The following CD274 variants were observed in gnomAD, a reference collection of about 807,000 sequenced individuals.
CD274 encodes programmed cell death 1 ligand 1.
Under a neutral mutation model 30.1 loss-of-function variants are expected in CD274, and 8 were observed. The ratio of observed to expected loss-of-function variants is 0.27; its 90% CI spans 0.16 to 0.48. The LOEUF (loss-of-function observed/expected upper bound fraction) is 0.48. Ranked by LOEUF, CD274 falls within the 20% of genes least tolerant of loss-of-function variation. The probability of loss-of-function intolerance (pLI) is 0.99; values close to 1 mark genes in which losing one functional copy is unlikely to be tolerated. For missense variants in CD274, 353 were observed against 346.6 expected, an observed-to-expected ratio of 1.02 and a Z score of -0.15; for synonymous variants, 152 against 124.6, an observed-to-expected ratio of 1.22 and a Z score of -1.46.
chr9:5,452,043 T>TTC (rs1819214772), intron 1 of CD274, among the ~76,000 whole-genome samples: 1 of 149,888 alleles, frequency 6.7e-6, no homozygotes, highest in South Asian at 2.1e-4. Context: ...TTTTTTTTTT[T>TTC]GAGACAGAGT....
intron 3 of CD274, among the ~76,000 whole-genome samples, chr9:5,459,375 C>G (rs770023734): frequency 9.2e-5 from 14 of 152,190 alleles, no homozygotes; most frequent in Non-Finnish European, 1.6e-4. Context: ...AGGCAACCAC[C>G]AAGCTTCACT....
At chr9:5,461,261 T>C (rs527276121) in intron 3 of CD274, among the ~76,000 whole-genome samples, 21 of 152,312 alleles carry the variant, frequency 1.4e-4, no homozygotes, top group African/African-American at 5.0e-4. Flanking sequence ...GCTTGAATTA[T>C]TAGTATTATC....
chr9:5,460,241 T>A (rs1819380810), intron 3 of CD274, among the ~76,000 whole-genome samples: 1 of 152,180 alleles, frequency 6.6e-6, no homozygotes, highest in Non-Finnish European at 1.5e-5. Flanking sequence ...CATCAGGAAC[T>A]GTTAGCAGCT....
At chr9:5,451,864 G>C (rs1055560861) in intron 1 of CD274, among the ~76,000 whole-genome samples, 1 of 151,832 alleles carries the variant, frequency 6.6e-6, no homozygotes, top group Admixed American at 6.6e-5. Context: ...TGTTTTTGTA[G>C]AGATGGGGCT....
chr9:5,466,154 C>T (rs1443901330), intron 5 of CD274, among the ~76,000 whole-genome samples: 1 of 152,098 alleles, frequency 6.6e-6, no homozygotes, highest in Non-Finnish European at 1.5e-5. Context: ...AATAATTCCT[C>T]CAATACTTAG....
intron 1 of CD274, 129 bp downstream of exon 1, chr9:5,450,725 G>A (rs1206191860): frequency 6.6e-6 from 1 of 152,362 alleles, no homozygotes; most frequent in Non-Finnish European, 1.5e-5. Context: ...AAGGGAACGC[G>A]ATGGTCTAGG....
Position 5,467,981 on chromosome 9 carries a change from C to A in CD274, c.*119C>A. On this transcript the variant is annotated 3_prime_UTR_variant, in exon 7 of 7. Coordinates refer to ENST00000381577, the MANE Select transcript of CD274 (RefSeq NM_014143.4). ...CCCGTGGGATGCAGGCAATGTGGGA[C>A]TTAAAAGGCCCAAGCACTGAAAATG... The A allele has an allele frequency of 1.2e-6, 1 of 840,970 alleles. No individual in the cohort carries two copies. Among genetic ancestry groups the A allele is most frequent in the Non-Finnish European group, 2.0e-6 (1 of 493,492 alleles). The allele number at this position is 840,970 out of a possible 1,614,324, so 52.1% of individuals were successfully genotyped here.
rs1379997770 is a variant in CD274, at chr9:5,468,566, C to T, written c.*704C>T. Reference sequence around the variant, plus strand: ...GCATAGGATGTCACCTTTATTTAACCCATTAATACTCTGGTTGACCTAATC... The same window carrying T: ...GCATAGGATGTCACCTTTATTTAACTCATTAATACTCTGGTTGACCTAATC... On this transcript the variant is annotated 3_prime_UTR_variant, in exon 7 of 7. Transcript: ENST00000381577. The T allele has an allele frequency of 8.6e-6, 2 of 232,804 alleles. No individual in the cohort carries two copies. The highest frequency in any genetic ancestry group is 6.0e-5 in the East Asian group (1 of 16,556). The allele number at this position is 232,804 out of a possible 1,614,324, so 14.4% of individuals were successfully genotyped here. A position where few individuals can be genotyped will look rare whatever the true frequency, so the allele number is the denominator to read the frequency against.
chr9:5,459,462 C>T (rs1318447634), intron 3 of CD274, among the ~76,000 whole-genome samples: 1 of 152,190 alleles, frequency 6.6e-6, no homozygotes, highest in African/African-American at 2.4e-5. Context: ...AGTAGAACTC[C>T]TGAGTCACCT....
At chr9:5,466,708 G>C (rs1277623278) in intron 5 of CD274, 62 bp from the exon 6 acceptor site, 1 of 1,213,570 alleles carries the variant, frequency 8.2e-7, no homozygotes, top group Non-Finnish European at 1.2e-6. Context: ...TTTAAACTTG[G>C]GTCACTGTAT....
At position 5,456,085 on chromosome 9, in the gene CD274, G is replaced by C; in HGVS notation, c.-14-15G>C. The stretch of plus-strand genomic sequence containing the variant: ...TTAAGTGAAGCAGTCTTCTTTTCGT[G>C]TTTTCCATAATTAGGGCATTCCAGA... On this transcript the variant is annotated splice_polypyrimidine_tract_variant and intron_variant, in intron 1 of 6. Coordinates refer to ENST00000381577, the MANE Select transcript of CD274 (RefSeq NM_014143.4). 6.7e-7 allele frequency: 1 copy of C among 1,498,968 alleles called. No individual in the cohort carries two copies. The highest frequency in any genetic ancestry group is 9.3e-7 in the Non-Finnish European group (1 of 1,076,734). The allele number at this position is 1,498,968 out of a possible 1,614,324, so 92.9% of individuals were successfully genotyped here. A position where few individuals can be genotyped will look rare whatever the true frequency, so the allele number is the denominator to read the frequency against.
chr9:5,457,474 T>A (rs1364895444), intron 3 of CD274, 54 bp downstream of exon 3: 1 of 1,419,658 alleles, frequency 7.0e-7, no homozygotes, highest in Non-Finnish European at 9.8e-7. Context: ...ATATTCCAAG[T>A]GTTGAAGACT....
chr9:5,454,128 T>A (rs1170873051), intron 1 of CD274, among the ~76,000 whole-genome samples: 1 of 152,234 alleles, frequency 6.6e-6, no homozygotes, highest in Admixed American at 6.5e-5. Context: ...TTATATCACT[T>A]GGTCTGCTAA....
At chr9:5,466,104 T>A (rs539209945) in intron 5 of CD274, among the ~76,000 whole-genome samples, 2 of 152,352 alleles carry the variant, frequency 1.3e-5, no homozygotes, top group South Asian at 2.1e-4. Flanking sequence ...AAAATGAGTA[T>A]ATTCAAATAA....
rs1340545387 is a variant in CD274 at position 5,450,578 on chromosome 9, C to G, written c.-33C>G. 6.6e-6 allele frequency: 1 copy of G among 152,458 alleles called. No individual in the cohort carries two copies. Among genetic ancestry groups the G allele is most frequent in the African/African-American group, 2.4e-5 (1 of 41,594 alleles). 9.4% of individuals were successfully genotyped at this position (152,458 alleles called of 1,614,324 possible). ...GCTTCCCGAGGCTCCGCACCAGCCG[C>G]GCTTCTGTCCGCCTGCAGGTAGGGA... On this transcript the variant is annotated 5_prime_UTR_variant, in exon 1 of 7. Coordinates refer to ENST00000381577, the MANE Select transcript of CD274 (RefSeq NM_014143.4).
chr9:5,465,658 G>A (rs756192559), intron 5 of CD274, 52 bp downstream of exon 5: 4 of 1,108,952 alleles, frequency 3.6e-6, no homozygotes, highest in East Asian at 2.4e-5. Context: ...GAAGGGGTGA[G>A]AATTGGATCA....
In CD274 at chr9:5,465,533, T is replaced by C. The variant is rs1206844902; in HGVS notation, c.717T>C (p.Thr239=). ...LPLAHPPNER[T]HLVILGAILL... is the part of the protein sequence containing the mutation. ...TGGCACATCCTCCAAATGAAAGGACTCACTTGGTAATTCTGGGAGCCATCT... is the reference window on the plus strand; with the variant it reads ...TGGCACATCCTCCAAATGAAAGGACCCACTTGGTAATTCTGGGAGCCATCT... Residue 239 remains threonine (T), a synonymous_variant, in exon 5 of 7, where the codon ACT becomes ACC. Coordinates refer to ENST00000381577, the MANE Select transcript of CD274 (RefSeq NM_014143.4). 2.5e-6 allele frequency: 4 copies of C among 1,611,656 alleles called. No individual in the cohort carries two copies. Among genetic ancestry groups the C allele is most frequent in the Non-Finnish European group, 3.4e-6 (4 of 1,177,788 alleles).
intron 3 of CD274, among the ~76,000 whole-genome samples, chr9:5,462,013 G>A (rs184262432): frequency 9.1e-4 from 138 of 152,232 alleles, no homozygotes; most frequent in African/African-American, 3.3e-3. Flanking sequence ...TAGTTATGAC[G>A]ATTGTACCAT....
intron 5 of CD274, chr9:5,465,842 T>C (rs964318215): frequency 3.4e-6 from 1 of 294,336 alleles, no homozygotes; most frequent in African/African-American, 2.2e-5. Flanking sequence ...ATACAGTTTT[T>C]TTCTATCATG....
Sources: gnomAD v4.1 joint callset for allele counts (sites outside exome capture counted in the v4.1 genomes callset) on GRCh38, gnomAD v4.1.1 for gene constraint, MANE v1.5 for transcripts, NCBI Gene and HGNC (gene_info 2026-07-23, HGNC 2026-07-21) for gene names.